Variants in FYN observed in about 807,000 individuals in gnomAD.
FYN encodes the protein FYN proto-oncogene, Src family tyrosine kinase, also known as tyrosine-protein kinase Fyn.
Under a neutral mutation model 70.2 loss-of-function variants are expected in FYN, and 10 were observed. That is an observed-to-expected ratio of 0.14 (90% confidence interval 0.09 to 0.24). The LOEUF (loss-of-function observed/expected upper bound fraction) is 0.24, where lower values mean the gene tolerates loss of function less well. FYN is among the 10% of genes least tolerant of loss of function. The pLI is 1.00. For synonymous variants in FYN, 236 were observed against 248.6 expected, an observed-to-expected ratio of 0.95 and a Z score of 0.48; for missense variants, 319 against 673.1, an observed-to-expected ratio of 0.47 and a Z score of 5.82.
chr6:111,815,280 T>C (rs1255251386), intron 2 of FYN, among the ~76,000 whole-genome samples: 1 of 152,188 alleles, frequency 6.6e-6, no homozygotes, highest in Admixed American at 6.5e-5. Flanking sequence ...CTGTAAACTG[T>C]TTAAACATCT....
At chr6:111,708,064 G>T in intron 5 of FYN, 44 bp from the exon 6 acceptor site, 1 of 1,439,226 alleles carries the variant, frequency 6.9e-7, no homozygotes, top group Non-Finnish European at 9.8e-7. Flanking sequence ...CATTTCAACA[G>T]CTTGCAGTTA....
At chr6:111,818,981 C>T (rs879774084) in intron 2 of FYN, among the ~76,000 whole-genome samples, 9 of 152,200 alleles carry the variant, frequency 5.9e-5, no homozygotes, top group African/African-American at 1.9e-4. Context: ...AGCTGCAAAA[C>T]GTGTTCTTGC....
At chr6:111,740,754 T>C (rs565057282) in intron 3 of FYN, among the ~76,000 whole-genome samples, 212 of 152,262 alleles carry the variant, frequency 1.4e-3, no homozygotes, top group Non-Finnish European at 2.4e-3. Context: ...CTTCAGTGAG[T>C]CTGCACAAAC....
Position 111,661,808 on chromosome 6 carries a change from G to A in FYN, c.1545C>T (p.Tyr515=), listed in dbSNP as rs1202296141. The change falls in exon 14 of 14, where the codon TAC becomes TAT. Residue 515 remains tyrosine (Y), a synonymous_variant. Coordinates refer to ENST00000354650, the MANE Select transcript of FYN (RefSeq NM_002037.5). The surrounding 1 kb of genome is among the most constrained non-coding windows in gnomAD (Gnocchi z 4.0). ...AGTAGTCTTCCAGGAAGCTCTGCAA[G>A]TACTCAAAAGTGGGGCGTTCTTCAG... The part of the protein sequence containing the change: ...KDPEERPTFE[Y]LQSFLEDYFT... 2 of 1,614,220 alleles carry A rather than the reference G, an allele frequency of 1.2e-6. No individual in the cohort carries two copies. Among genetic ancestry groups the A allele is most frequent in the Admixed American group, 1.7e-5 (1 of 60,024 alleles).
chr6:111,822,879 G>C (rs926185007), intron 2 of FYN, among the ~76,000 whole-genome samples: 3 of 152,046 alleles, frequency 2.0e-5, no homozygotes, highest in Admixed American at 6.6e-5. Flanking sequence ...AGAGGAGCAT[G>C]AGGACCCAAG....
intron 13 of FYN, 72 bp from the exon 14 acceptor site, chr6:111,662,019 C>A (rs987259458): frequency 1.6e-5 from 20 of 1,261,546 alleles, no homozygotes; most frequent in Admixed American, 2.2e-5. Context: ...TGCAGATCCC[C>A]TTTCTTCTTC....
chr6:111,743,900 C>T (rs1562501149), intron 3 of FYN, among the ~76,000 whole-genome samples: 1 of 152,148 alleles, frequency 6.6e-6, no homozygotes, highest in Non-Finnish European at 1.5e-5. Flanking sequence ...CAAAGGATTT[C>T]ATTTATTATA....
chr6:111,847,348 C>G (rs1773561252), intron 1 of FYN, among the ~76,000 whole-genome samples: 1 of 152,214 alleles, frequency 6.6e-6, no homozygotes, highest in African/African-American at 2.4e-5. Context: ...CCAGTTTGCT[C>G]ACACGCTGTG....
chr6:111,662,420 GTCT>G (rs766871612), intron 13 of FYN, among the ~76,000 whole-genome samples: 6 of 152,176 alleles, frequency 3.9e-5, no homozygotes, highest in Non-Finnish European at 5.9e-5. Flanking sequence ...TATGATCCCT[GTCT>G]TCTTCTTTTT....
intron 3 of FYN, among the ~76,000 whole-genome samples, chr6:111,751,891 T>A (rs929693817): frequency 6.6e-6 from 1 of 152,180 alleles, no homozygotes; most frequent in African/African-American, 2.4e-5. Flanking sequence ...AGTGCTGGGA[T>A]TACAGGCATG....
At chr6:111,790,291 CACACACAT>C (rs1182742927) in intron 2 of FYN, among the ~76,000 whole-genome samples, 11 of 143,870 alleles carry the variant, frequency 7.6e-5, no homozygotes, top group African/African-American at 2.9e-4. Flanking sequence ...CACACACACA[CACACACAT>C]TCTGAAGGGC....
intron 1 of FYN, among the ~76,000 whole-genome samples, chr6:111,871,523 G>A (rs1233493532): frequency 6.6e-6 from 1 of 152,174 alleles, no homozygotes; most frequent in Non-Finnish European, 1.5e-5. Flanking sequence ...ACGTCCCCAG[G>A]TATTTACTTC....
chr6:111,734,999 G>A (rs1267858217), intron 3 of FYN, among the ~76,000 whole-genome samples: 2 of 152,138 alleles, frequency 1.3e-5, no homozygotes, highest in Non-Finnish European at 2.9e-5. Context: ...GGACACAGAG[G>A]GAGTTCTAAT....
chr6:111,776,411 C>T lies in FYN; in HGVS notation c.-12+4155G>A, dbSNP rs552449734. On this transcript the variant is annotated intron_variant, in intron 3 of 13. Coordinates refer to ENST00000354650, the MANE Select transcript of FYN (RefSeq NM_002037.5). Reference sequence around the variant, plus strand: ...TTTATTAGTCAGTGTTGCTGAATGCCTCCAAATCCCATTCATCTTAAAAAC... The same window carrying T: ...TTTATTAGTCAGTGTTGCTGAATGCTTCCAAATCCCATTCATCTTAAAAAC... Among the ~76,000 whole-genome samples the T allele has an allele frequency of 2.0e-5, 3 of 152,256 alleles. No individual in the cohort carries two copies. The South Asian group carries it at 6.2e-4, about 32-fold the overall frequency.
At position 111,662,088 on chromosome 6, in the gene FYN, C is replaced by A. The variant is rs1248088734; in HGVS notation, c.1406-141G>T. On this transcript the variant is annotated intron_variant, in intron 13 of 13. Coordinates refer to ENST00000354650, the MANE Select transcript of FYN (RefSeq NM_002037.5). The stretch of plus-strand genomic sequence containing the variant: ...ACTCCCATCCCCCCAGGAGTCAAAC[C>A]CTGCCATGCTACTCAGGAGTAAAGA... The A allele has an allele frequency of 6.3e-6, 4 of 632,768 alleles. No homozygotes were observed. In the East Asian group the frequency reaches 1.1e-4, roughly 18 times the overall value. 39.2% of individuals were successfully genotyped at this position (632,768 alleles called of 1,614,324 possible).
In FYN at chr6:111,718,873, G is replaced by A. The variant is rs575919608; in HGVS notation, c.247+932C>T. Reference sequence around the variant, plus strand: ...AGTAGATAATGTCCAAAGGCTCAGGGTCAGGCTCCTTGATACAACTACACT... The same window carrying A: ...AGTAGATAATGTCCAAAGGCTCAGGATCAGGCTCCTTGATACAACTACACT... On this transcript the variant is annotated intron_variant, in intron 4 of 13. Coordinates refer to ENST00000354650, the MANE Select transcript of FYN (RefSeq NM_002037.5). 5.3e-5 allele frequency among the ~76,000 whole-genome samples: 8 copies of A among 152,296 alleles called. No individual in the cohort carries two copies. In the East Asian group the frequency reaches 1.4e-3, roughly 26 times the overall value.
chr6:111,752,922 CACTT>C (rs948830136), intron 3 of FYN, among the ~76,000 whole-genome samples: 31 of 152,104 alleles, frequency 2.0e-4, no homozygotes, highest in African/African-American at 7.2e-4. Flanking sequence ...TGGAACTGGG[CACTT>C]ACTTATCTCT....
At chr6:111,739,953 A>G (rs183888814) in intron 3 of FYN, among the ~76,000 whole-genome samples, 177 of 152,246 alleles carry the variant, frequency 1.2e-3, no homozygotes, top group Non-Finnish European at 1.6e-3. Flanking sequence ...CCTCCCCAGT[A>G]GCTGGGATTA....
intron 5 of FYN, among the ~76,000 whole-genome samples, chr6:111,710,676 A>G (rs1044431476): frequency 6.6e-6 from 1 of 152,218 alleles, no homozygotes; most frequent in African/African-American, 2.4e-5. Flanking sequence ...AGGCTGGTAC[A>G]GACTCAAAAT....
Sources: allele counts gnomAD v4.1 joint callset (sites outside exome capture counted in the v4.1 genomes callset), GRCh38; gene constraint gnomAD v4.1.1; non-coding constraint Gnocchi (gnomAD v3.1); transcripts MANE v1.5; gene names NCBI Gene and HGNC (gene_info 2026-07-23, HGNC 2026-07-21).